Variants in DMD observed in about 807,000 individuals in gnomAD.
DMD encodes mutant dystrophin.
In DMD, 63 loss-of-function variants were observed where a neutral mutation model predicts 330.1. That is an observed-to-expected ratio of 0.19 (90% confidence interval 0.16 to 0.24). DMD has a LOEUF of 0.24. Ranked by LOEUF, DMD falls within the 10% of genes least tolerant of loss-of-function variation. The pLI, the probability that DMD is intolerant of heterozygous loss-of-function variation, is 1.00. For synonymous variants in DMD, 1,223 were observed against 959.8 expected, an observed-to-expected ratio of 1.27 and a Z score of -5.07; for missense variants, 3,344 against 2,684.1, an observed-to-expected ratio of 1.25 and a Z score of -5.43.
intron 47 of DMD, among the ~76,000 whole-genome samples, chrX:31,881,793 C>T (rs1300556410): frequency 9.0e-6 from 1 of 111,433 alleles, no homozygotes; most frequent in Non-Finnish European, 1.9e-5. Context: ...TGTAAGTACA[C>T]TCTATGATTA....
intron 15 of DMD, among the ~76,000 whole-genome samples, chrX:32,566,936 G>A (rs974603395): frequency 8.9e-6 from 1 of 111,913 alleles, no homozygotes; most frequent in East Asian, 2.8e-4. Flanking sequence ...ACTAAATCGC[G>A]ATACCTGTCT....
At chrX:32,282,937 C>T (rs963904238) in intron 43 of DMD, among the ~76,000 whole-genome samples, 5 of 111,913 alleles carry the variant, frequency 4.5e-5, no homozygotes, top group Admixed American at 9.5e-5. Flanking sequence ...AACATCTCTC[C>T]CCCCTTCCAC....
intron 2 of DMD, among the ~76,000 whole-genome samples, chrX:32,865,749 T>C (rs928962778): frequency 8.9e-6 from 1 of 112,740 alleles, no homozygotes; most frequent in Non-Finnish European, 1.9e-5. Flanking sequence ...TAGTATTGTT[T>C]AGGAAAAACC....
chrX:31,864,043 A>G (rs1253070055), intron 48 of DMD, among the ~76,000 whole-genome samples: 2 of 111,470 alleles, frequency 1.8e-5, no homozygotes, highest in East Asian at 5.6e-4. Context: ...TCTAAACTGT[A>G]CTATAAACCC....
At chrX:32,034,568 C>T (rs745737983) in intron 44 of DMD, among the ~76,000 whole-genome samples, 1 of 111,191 alleles carries the variant, frequency 9.0e-6, no homozygotes, top group East Asian at 2.8e-4. Context: ...CTGTAGAAAA[C>T]GTATATGCTG....
chrX:32,572,162 C>T (rs952360724), intron 15 of DMD, among the ~76,000 whole-genome samples: 1 of 111,374 alleles, frequency 9.0e-6, no homozygotes, highest in Non-Finnish European at 1.9e-5. Context: ...AATAAGCTAG[C>T]TTGTAATAAC....
intron 30 of DMD, among the ~76,000 whole-genome samples, chrX:32,394,641 A>T (rs1310459680): frequency 2.7e-5 from 3 of 111,026 alleles, no homozygotes; most frequent in Non-Finnish European, 5.7e-5. Flanking sequence ...GCTGAGGATG[A>T]GAGGAGAGAA....
chrX:31,995,776 G>T (rs1472101334), intron 44 of DMD, among the ~76,000 whole-genome samples: 1 of 111,850 alleles, frequency 8.9e-6, no homozygotes, highest in African/African-American at 3.2e-5. Context: ...TTAGCTAAAG[G>T]TTAAAGTCAA....
chrX:32,259,262 A>G, intron 43 of DMD, among the ~76,000 whole-genome samples: 1 of 110,682 alleles, frequency 9.0e-6, no homozygotes, highest in Non-Finnish European at 1.9e-5. Context: ...TAGCCATATC[A>G]TATAGCGACT....
chrX:31,343,980 T>G (rs1467253922), intron 61 of DMD, among the ~76,000 whole-genome samples: 1 of 107,250 alleles, frequency 9.3e-6, no homozygotes, highest in Non-Finnish European at 1.9e-5. Context: ...TATGGTGATT[T>G]TTTTTTTTTT....
intron 11 of DMD, among the ~76,000 whole-genome samples, chrX:32,621,463 G>A (rs994003410): frequency 9.3e-6 from 1 of 107,120 alleles, no homozygotes; most frequent in East Asian, 2.9e-4. Flanking sequence ...AAGAAGAGAT[G>A]TACACATAAG....
chrX:32,719,223 ATAAT>A (rs2066019695), intron 7 of DMD, among the ~76,000 whole-genome samples: 1 of 112,147 alleles, frequency 8.9e-6, no homozygotes, highest in Non-Finnish European at 1.9e-5. Context: ...ATTGAAAATA[ATAAT>A]TAATATAAGA....
intron 47 of DMD, among the ~76,000 whole-genome samples, chrX:31,881,119 C>A (rs771147144): frequency 6.9e-4 from 77 of 110,882 alleles, no homozygotes; most frequent in African/African-American, 2.4e-3. Flanking sequence ...AAAGCTGCTA[C>A]AATAAGGATA....
chrX:32,732,214 AAAG>A (rs759245763), intron 7 of DMD, among the ~76,000 whole-genome samples: 262 of 111,164 alleles, frequency 2.4e-3, no homozygotes, highest in South Asian at 5.1e-3. Flanking sequence ...TTTAGAGGAA[AAAG>A]AATAAAAAGA....
At chrX:31,453,816 T>C (rs1372831275) in intron 59 of DMD, among the ~76,000 whole-genome samples, 1 of 53,219 alleles carries the variant, frequency 1.9e-5, no homozygotes, top group African/African-American at 7.1e-5. Flanking sequence ...AGCTTTCCAA[T>C]GACACAATTA....
chrX:31,184,345 C>CA (rs1310064352), intron 67 of DMD, among the ~76,000 whole-genome samples: 11 of 111,260 alleles, frequency 9.9e-5, no homozygotes, highest in African/African-American at 3.6e-4. Flanking sequence ...TGCTCCTTTG[C>CA]AAAAAACACA....
chrX:31,476,150 T>C lies in DMD; in HGVS notation c.8937+1956A>G, dbSNP rs781438356. Among the ~76,000 whole-genome samples the C allele has an allele frequency of 1.2e-4, 13 of 107,343 alleles. No homozygotes were observed. The South Asian group carries it at 5.4e-3, about 45-fold the overall frequency. 93.2% of individuals were successfully genotyped at this position (107,343 alleles called of 115,157 possible). ...AGAGTACCAACTGTAAGCAGTTTCT[T>C]CTGCTTGGTGGGAGTTGGGGGTTGT... is the stretch of plus-strand genomic sequence containing the variant. On this transcript the variant is annotated intron_variant, in intron 59 of 78. Transcript: ENST00000357033.
At chrX:31,212,371 G>C (rs1355428096) in intron 64 of DMD, among the ~76,000 whole-genome samples, 7 of 109,788 alleles carry the variant, frequency 6.4e-5, no homozygotes, top group Non-Finnish European at 1.3e-4. Context: ...CTGTGGGGGT[G>C]AGAGAGGGTG....
chrX:32,586,592 G>A (rs983871931), intron 13 of DMD, among the ~76,000 whole-genome samples: 4 of 109,532 alleles, frequency 3.7e-5, no homozygotes, highest in Non-Finnish European at 7.6e-5. Flanking sequence ...TTACAGGTAC[G>A]AATACATTAC....
Sources: allele counts gnomAD v4.1 joint callset (sites outside exome capture counted in the v4.1 genomes callset), GRCh38; gene constraint gnomAD v4.1.1; transcripts MANE v1.5; gene names NCBI Gene and HGNC (gene_info 2026-07-23, HGNC 2026-07-21).